The following NBAS variants were observed in gnomAD, a reference collection of about 807,000 sequenced individuals.
NBAS encodes the protein NBAS subunit of NRZ tethering complex.
In NBAS, 219 loss-of-function variants were observed where a neutral mutation model predicts 302.5. The ratio of observed to expected loss-of-function variants is 0.72; its 90% CI spans 0.65 to 0.81. The LOEUF (loss-of-function observed/expected upper bound fraction) is 0.81. NBAS is among the 30% of genes least tolerant of loss of function. The pLI is 0.00. For synonymous variants in NBAS, 1,118 were observed against 1,021.6 expected, an observed-to-expected ratio of 1.09 and a Z score of -1.80; for missense variants, 2,932 against 2,841.6, an observed-to-expected ratio of 1.03 and a Z score of -0.72.
At chr2:15,024,735 T>C in the NBAS span, among the ~76,000 whole-genome samples, 2 of 152,236 alleles carry the variant, frequency 1.3e-5, no homozygotes, top group Non-Finnish European at 2.9e-5. Flanking sequence ...TGAGCATTTT[T>C]AAAATGCTTT....
chr2:14,839,802 G>A, the NBAS span, among the ~76,000 whole-genome samples: 1 of 151,836 alleles, frequency 6.6e-6, no homozygotes, highest in Admixed American at 6.6e-5. Flanking sequence ...AACACACCTA[G>A]TAGAAGCCCA....
intron 9 of NBAS, among the ~76,000 whole-genome samples, chr2:15,521,648 C>A (rs1317776815): frequency 2.0e-5 from 3 of 152,160 alleles, no homozygotes; most frequent in Non-Finnish European, 4.4e-5. Flanking sequence ...GTACTCCATG[C>A]AAAGCACCGT....
chr2:15,277,187 T>C, intron 42 of NBAS, 86 bp from the exon 43 acceptor site: 5 of 1,496,284 alleles, frequency 3.3e-6, no homozygotes, highest in Non-Finnish European at 4.5e-6. Context: ...GAAACACTAC[T>C]TCTTATAGCT....
chr2:15,219,939 T>C (rs1666860186), intron 47 of NBAS, among the ~76,000 whole-genome samples: 1 of 148,846 alleles, frequency 6.7e-6, no homozygotes, highest in Non-Finnish European at 1.5e-5. Context: ...ATGGGGCGGC[T>C]GGCCGGGCAG....
chr2:14,906,298 T>A, the NBAS span, among the ~76,000 whole-genome samples: 2 of 152,226 alleles, frequency 1.3e-5, no homozygotes, highest in African/African-American at 4.8e-5. Flanking sequence ...TAGGTGCTTA[T>A]TATCTCTATT....
chr2:15,001,240 T>C, the NBAS span, among the ~76,000 whole-genome samples: 1 of 152,268 alleles, frequency 6.6e-6, no homozygotes, highest in Non-Finnish European at 1.5e-5. Context: ...GATTTTCACA[T>C]ATATACACAT....
At chr2:15,202,972 T>C (rs1190687711) in intron 48 of NBAS, among the ~76,000 whole-genome samples, 1 of 152,210 alleles carries the variant, frequency 6.6e-6, no homozygotes, top group East Asian at 1.9e-4. Flanking sequence ...CAGACTCAGA[T>C]TTGAATATTG....
chr2:15,499,549 A>C (rs1266181188), intron 11 of NBAS, among the ~76,000 whole-genome samples: 1 of 152,202 alleles, frequency 6.6e-6, no homozygotes, highest in Non-Finnish European at 1.5e-5. Context: ...ACTTATAAGT[A>C]GGAGCTAAAT....
chr2:14,926,297 C>G, the NBAS span, among the ~76,000 whole-genome samples: 11 of 152,174 alleles, frequency 7.2e-5, no homozygotes, highest in Non-Finnish European at 1.6e-4. Context: ...CTATCACACA[C>G]TTACTCTCCT....
intron 26 of NBAS, chr2:15,397,440 T>C: frequency 2.2e-6 from 1 of 446,198 alleles, no homozygotes; most frequent in Non-Finnish European, 4.1e-6. Context: ...GCTCCTTACA[T>C]GGGCTTTGGT....
the NBAS span, among the ~76,000 whole-genome samples, chr2:14,789,136 C>T: frequency 6.6e-6 from 1 of 152,198 alleles, no homozygotes; most frequent in Non-Finnish European, 1.5e-5. Context: ...CCCTCTGAGC[C>T]ATGTGCGGGA....
the NBAS span, among the ~76,000 whole-genome samples, chr2:15,137,271 G>C: frequency 6.6e-6 from 1 of 152,202 alleles, no homozygotes; most frequent in South Asian, 2.1e-4. Flanking sequence ...ACATATGTCA[G>C]TGTTAAAGAC....
the NBAS span, among the ~76,000 whole-genome samples, chr2:15,134,293 CA>C: frequency 6.6e-6 from 1 of 152,180 alleles, no homozygotes; most frequent in Admixed American, 6.5e-5. Flanking sequence ...GAGAACTCAG[CA>C]GTCTGCAACC....
the NBAS span, among the ~76,000 whole-genome samples, chr2:14,845,747 T>G: frequency 6.6e-6 from 1 of 151,458 alleles, no homozygotes; most frequent in African/African-American, 2.4e-5. Flanking sequence ...AATTCTGGAG[T>G]TAGAACATAC....
chr2:15,145,851 T>G, the NBAS span, among the ~76,000 whole-genome samples: 1 of 152,052 alleles, frequency 6.6e-6, no homozygotes, highest in South Asian at 2.1e-4. Flanking sequence ...TATAACAAGC[T>G]CTATGAAGGA....
the NBAS span, among the ~76,000 whole-genome samples, chr2:15,151,172 T>A: frequency 2.0e-5 from 3 of 152,232 alleles, no homozygotes; most frequent in African/African-American, 7.2e-5. Context: ...TATATTTTTA[T>A]CTGTGGAGGA....
rs149880382 is a variant in NBAS at position 15,187,330 on chromosome 2, T to C, written c.6573-450A>G. On this transcript the variant is annotated intron_variant, in intron 49 of 51. Transcript: ENST00000281513. The stretch of plus-strand genomic sequence containing the variant: ...TGTAATTGTGAAGAATCAGTGTTAA[T>C]AGCAATCACACATTACTATTTACTA... Among the ~76,000 whole-genome samples the C allele has an allele frequency of 1.5e-3, 223 of 152,282 alleles. No homozygotes were observed. In the Middle Eastern group the frequency reaches 0.017, roughly 12 times the overall value.
the NBAS span, among the ~76,000 whole-genome samples, chr2:14,927,909 C>T: frequency 2.5e-4 from 38 of 152,216 alleles, no homozygotes; most frequent in Admixed American, 2.2e-3. Context: ...TTTTTTGTTA[C>T]TTCTGAGTTG....
the NBAS span, among the ~76,000 whole-genome samples, chr2:14,840,069 T>G: frequency 6.6e-6 from 1 of 151,888 alleles, no homozygotes; most frequent in Non-Finnish European, 1.5e-5. Context: ...ATTATATAAA[T>G]TTAACAAGAG....
Sources: gnomAD v4.1 joint callset for allele counts (sites outside exome capture counted in the v4.1 genomes callset) on GRCh38, gnomAD v4.1.1 for gene constraint, MANE v1.5 for transcripts, NCBI Gene and HGNC (gene_info 2026-07-23, HGNC 2026-07-21) for gene names.